Variants in FKBP5 observed in about 807,000 individuals in gnomAD.
FKBP5 encodes the protein peptidyl-prolyl cis-trans isomerase FKBP5.
FKBP5 carries 23 observed loss-of-function variants against 50.5 expected under a neutral mutation model. The ratio of observed to expected loss-of-function variants is 0.46; its 90% CI spans 0.33 to 0.65. FKBP5 has a LOEUF of 0.65. FKBP5 is among the 30% of genes least tolerant of loss of function. The probability of loss-of-function intolerance (pLI) is 0.02; values close to 1 mark genes in which losing one functional copy is unlikely to be tolerated. For synonymous variants in FKBP5, 176 were observed against 190.6 expected, an observed-to-expected ratio of 0.92 and a Z score of 0.63; for missense variants, 411 against 553.1, an observed-to-expected ratio of 0.74 and a Z score of 2.58.
At chr6:35,691,944 G>A (rs1439966124), upstream of FKBP5, among the ~76,000 whole-genome samples, 1 of 152,094 alleles carries the variant, frequency 6.6e-6, no homozygotes, top group African/African-American at 2.4e-5. Context: ...CCGCCGTCTT[G>A]AAATTCTTAG....
intron 2 of FKBP5, among the ~76,000 whole-genome samples, chr6:35,698,152 G>C (rs1232314566): frequency 6.6e-6 from 1 of 152,212 alleles, no homozygotes; most frequent in Non-Finnish European, 1.5e-5. Context: ...AGACCAGCCT[G>C]ACCAGCATGG....
intron 2 of FKBP5, among the ~76,000 whole-genome samples, chr6:35,715,191 C>T (rs1049637290): frequency 5.3e-5 from 8 of 152,170 alleles, no homozygotes; most frequent in African/African-American, 1.9e-4. Flanking sequence ...TGAGCCACTG[C>T]TCCTGGCATT....
intron 2 of FKBP5, among the ~76,000 whole-genome samples, chr6:35,699,682 G>T (rs1298124810): frequency 3.9e-5 from 6 of 152,184 alleles, no homozygotes; most frequent in Admixed American, 3.9e-4. Flanking sequence ...TTGAACTTAA[G>T]AGACAAGTTA....
intron 8 of FKBP5, chr6:35,585,707 G>C (rs1398476636): frequency 1.0e-6 from 1 of 956,616 alleles, no homozygotes; most frequent in African/African-American, 1.8e-5. Flanking sequence ...ACCACCCACA[G>C]TAAGAAATAT....
intron 9 of FKBP5, among the ~76,000 whole-genome samples, chr6:35,577,955 G>A (rs1342225835): frequency 6.6e-6 from 1 of 151,708 alleles, no homozygotes; most frequent in African/African-American, 2.4e-5. Flanking sequence ...TTGGGAGGCT[G>A]AGGCAGGAGA....
At chr6:35,588,532 T>C (rs1383637688) in intron 7 of FKBP5, among the ~76,000 whole-genome samples, 5 of 152,136 alleles carry the variant, frequency 3.3e-5, no homozygotes, top group South Asian at 2.1e-4. Context: ...GGAATTTTTT[T>C]TTATTTTTTC....
intron 8 of FKBP5, chr6:35,586,121 T>G: frequency 1.0e-6 from 1 of 984,964 alleles, no homozygotes; most frequent in Non-Finnish European, 1.2e-6. Flanking sequence ...CTAATTCTCA[T>G]CACTAAGCCC....
chr6:35,620,477 C>T (rs1763798652), intron 3 of FKBP5, among the ~76,000 whole-genome samples: 2 of 151,598 alleles, frequency 1.3e-5, no homozygotes, highest in African/African-American at 4.8e-5. Context: ...GTTGATCGGC[C>T]CAGCACTTTG....
Position 35,661,303 on chromosome 6 carries a change from T to TA in FKBP5, c.-19-18461dup, listed in dbSNP as rs1765063337. 2.4e-5 allele frequency among the ~76,000 whole-genome samples: 2 copies of TA among 82,734 alleles called. 1 individual carries two copies. The highest frequency in any genetic ancestry group is 7.5e-5 in the African/African-American group (2 of 26,694). 54.3% of individuals were successfully genotyped at this position (82,734 alleles called of 152,430 possible). Reference sequence around the variant, plus strand: ...CACACCCGGCCTGAATTGTACACTTTAAAGGGGAGAATATTATGGTATGTG... The same window carrying TA: ...CACACCCGGCCTGAATTGTACACTTTAAAAGGGGAGAATATTATGGTATGTG... On this transcript the variant is annotated intron_variant, in intron 1 of 10. Coordinates refer to ENST00000357266, the MANE Select transcript of FKBP5 (RefSeq NM_004117.4).
At chr6:35,597,148 GATT>G in intron 6 of FKBP5, 97 bp downstream of exon 6, 1 of 1,289,254 alleles carries the variant, frequency 7.8e-7, no homozygotes, top group Non-Finnish European at 1.1e-6. Context: ...TCCGTTGTTG[GATT>G]AACTTCACTG....
intron 1 of FKBP5, among the ~76,000 whole-genome samples, chr6:35,666,419 A>AAAAAAAAAAAAAAAAAAAT (rs71002586): frequency 6.9e-6 from 1 of 145,148 alleles, no homozygotes; most frequent in African/African-American, 2.6e-5. Context: ...AAAAAAAAAA[A>AAAAAAAAAAAAAAAAAAAT]GGAGGGGAGT....
intron 1 of FKBP5, among the ~76,000 whole-genome samples, chr6:35,672,803 G>T (rs1437567086): frequency 6.6e-6 from 1 of 151,752 alleles, no homozygotes; most frequent in Non-Finnish European, 1.5e-5. Flanking sequence ...AGTGGCAGGC[G>T]CCTGTAGCCC....
intron 3 of FKBP5, among the ~76,000 whole-genome samples, chr6:35,630,108 C>G (rs1229558488): frequency 6.6e-6 from 1 of 151,238 alleles, no homozygotes; most frequent in Non-Finnish European, 1.5e-5. Context: ...TGCATTCCAG[C>G]CCCAATAACA....
rs879702851 is a variant in FKBP5, at chr6:35,575,828, C to T, written c.*7G>A. On this transcript the variant is annotated 3_prime_UTR_variant, in exon 11 of 11. Coordinates refer to ENST00000357266, the MANE Select transcript of FKBP5 (RefSeq NM_004117.4). ...TTCACTGGGACTCTTCCCTCCTTGG[C>T]GTGGCGTCATACGTGGCCCTCAGGT... is the stretch of plus-strand genomic sequence containing the variant. 39 of 1,593,536 alleles carry T rather than the reference C, an allele frequency of 2.4e-5. No homozygotes were observed. Among genetic ancestry groups the T allele is most frequent in the Middle Eastern group, 1.7e-4 (1 of 6,038 alleles).
intron 3 of FKBP5, among the ~76,000 whole-genome samples, chr6:35,633,423 G>A (rs1227584166): frequency 6.6e-6 from 1 of 151,264 alleles, no homozygotes. Context: ...CGCGCCTGAA[G>A]TCCCAGATAC....
intron 8 of FKBP5, chr6:35,586,606 CAA>C (rs1319725627): frequency 2.2e-3 from 1,678 of 767,906 alleles, no homozygotes; most frequent in South Asian, 3.5e-3. Context: ...GTCTCTCATA[CAA>C]AAAAAAAAAA....
chr6:35,641,638 G>A (rs1764492674), intron 2 of FKBP5, among the ~76,000 whole-genome samples: 1 of 152,134 alleles, frequency 6.6e-6, no homozygotes, highest in Non-Finnish European at 1.5e-5. Flanking sequence ...TAATTCAAAA[G>A]TAAGATATAT....
At chr6:35,703,387 C>G (rs765614123) in intron 2 of FKBP5, among the ~76,000 whole-genome samples, 13 of 151,846 alleles carry the variant, frequency 8.6e-5, no homozygotes, top group African/African-American at 3.1e-4. Flanking sequence ...CCAGCCTGGC[C>G]AACAGAACAT....
intron 1 of FKBP5, among the ~76,000 whole-genome samples, chr6:35,726,382 C>T (rs374485457): frequency 4.9e-4 from 74 of 152,262 alleles, no homozygotes; most frequent in African/African-American, 1.8e-3. Flanking sequence ...GGAAGGCAGG[C>T]CTGGCTTGGG....
Sources: allele counts gnomAD v4.1 joint callset (sites outside exome capture counted in the v4.1 genomes callset), GRCh38; gene constraint gnomAD v4.1.1; transcripts MANE v1.5; gene names NCBI Gene and HGNC (gene_info 2026-07-23, HGNC 2026-07-21).